ESR1: variants seen among roughly 807,000 people sequenced by gnomAD.
ESR1 encodes the protein estrogen receptor.
A neutral mutation model predicts 52.7 loss-of-function variants in ESR1; 12 were observed. The ratio of observed to expected loss-of-function variants is 0.23; its 90% CI spans 0.15 to 0.37. The LOEUF (loss-of-function observed/expected upper bound fraction) is 0.37, where lower values mean the gene tolerates loss of function less well. Among genes scored for constraint, ESR1 ranks in the 10% least tolerant of loss-of-function variants. The pLI is 1.00. For synonymous variants in ESR1, 305 were observed against 316.8 expected (o/e 0.96, Z 0.39); for missense variants, 584 against 779.7 (o/e 0.75, Z 2.99).
chr6:152,035,739 T>C (rs2045236823), intron 5 of ESR1, among the ~76,000 whole-genome samples: 1 of 152,008 alleles, frequency 6.6e-6, no homozygotes, highest in Admixed American at 6.6e-5. Flanking sequence ...AAATAGAAAA[T>C]ACAGTTCAGA....
intron 3 of ESR1, among the ~76,000 whole-genome samples, chr6:151,906,903 T>G (rs1797544597): frequency 6.6e-6 from 1 of 151,858 alleles, no homozygotes; most frequent in South Asian, 2.1e-4. Context: ...ATTTTGTTAC[T>G]TATTTCACCT....
chr6:151,919,429 C>T (rs1231723819), intron 3 of ESR1, among the ~76,000 whole-genome samples: 2 of 152,098 alleles, frequency 1.3e-5, no homozygotes, highest in African/African-American at 4.8e-5. Flanking sequence ...GACCTGGGAG[C>T]CAATTTTATT....
upstream of ESR1, chr6:151,805,824 G>A (rs999490320): frequency 8.5e-5 from 13 of 152,250 alleles, no homozygotes; most frequent in African/African-American, 2.9e-4. Context: ...CAGCAGGGTA[G>A]GCTTGTTTTG....
At chr6:151,993,394 T>C (rs1003339042) in intron 4 of ESR1, among the ~76,000 whole-genome samples, 4 of 152,170 alleles carry the variant, frequency 2.6e-5, no homozygotes, top group African/African-American at 7.2e-5. Flanking sequence ...TTCTCTTCTC[T>C]GGGTCGGACT....
chr6:152,060,764 T>G (rs2047481116), intron 5 of ESR1, among the ~76,000 whole-genome samples: 1 of 152,208 alleles, frequency 6.6e-6, no homozygotes. Context: ...CTACCTCTTC[T>G]AAGAAGTTGA....
chr6:152,052,994 G>A (rs1172468044), intron 5 of ESR1, among the ~76,000 whole-genome samples: 4 of 152,126 alleles, frequency 2.6e-5, no homozygotes, highest in African/African-American at 9.7e-5. Flanking sequence ...AGGTCCTGGA[G>A]GCTCCAGGCT....
intron 3 of ESR1, among the ~76,000 whole-genome samples, chr6:151,901,560 G>A (rs1232203582): frequency 6.6e-6 from 1 of 152,208 alleles, no homozygotes; most frequent in Non-Finnish European, 1.5e-5. Flanking sequence ...GGACCCCTGT[G>A]AGACAAGGTA....
intron 6 of ESR1, among the ~76,000 whole-genome samples, chr6:152,077,927 T>C (rs1585135039): frequency 6.6e-6 from 1 of 152,160 alleles, no homozygotes; most frequent in Non-Finnish European, 1.5e-5. Context: ...CTGTGGACTT[T>C]TGGTTAATTC....
intron 1 of ESR1, among the ~76,000 whole-genome samples, chr6:151,677,185 ACT>A (rs1314473217): frequency 5.3e-5 from 8 of 152,100 alleles, no homozygotes; most frequent in Middle Eastern, 3.4e-3. Context: ...TCAAACTAAG[ACT>A]CTGATTTTCT....
At chr6:152,112,519 G>A (rs1387294082) in intron 6 of ESR1, among the ~76,000 whole-genome samples, 5 of 152,130 alleles carry the variant, frequency 3.3e-5, no homozygotes, top group East Asian at 1.9e-4. Context: ...CAATGCCCCC[G>A]GGATCCCATC....
intron 4 of ESR1, among the ~76,000 whole-genome samples, chr6:151,981,211 T>TGCCTTGCTTCTTTACC (rs2039961890): frequency 2.0e-5 from 3 of 152,360 alleles, no homozygotes; most frequent in Non-Finnish European, 1.5e-5. Context: ...TATTTTATCT[T>TGCCTTGCTTCTTTACC]GCCTTGCTTC....
At chr6:151,910,309 A>G (rs1324532489) in intron 3 of ESR1, among the ~76,000 whole-genome samples, 2 of 152,182 alleles carry the variant, frequency 1.3e-5, no homozygotes, top group African/African-American at 4.8e-5. Flanking sequence ...TGAACCGAAC[A>G]GATCTAGATA....
chr6:151,826,700 A>G (rs528291102), intron 1 of ESR1, among the ~76,000 whole-genome samples: 1 of 152,246 alleles, frequency 6.6e-6, no homozygotes, highest in South Asian at 2.1e-4. Flanking sequence ...ACCTCCAGCT[A>G]ACTTCATGGG....
At chr6:151,782,022 CGTG>C (rs1786591671) in intron 2 of ESR1, among the ~76,000 whole-genome samples, 1 of 152,140 alleles carries the variant, frequency 6.6e-6, no homozygotes, top group African/African-American at 2.4e-5. Context: ...TTAACTGTAA[CGTG>C]GTGGAGAAAT....
intron 3 of ESR1, among the ~76,000 whole-genome samples, chr6:151,882,316 T>G (rs928973750): frequency 7.2e-5 from 11 of 152,158 alleles, no homozygotes; most frequent in African/African-American, 2.7e-4. Flanking sequence ...GATGCAATGT[T>G]GAATTTACGC....
intron 4 of ESR1, among the ~76,000 whole-genome samples, chr6:151,995,967 A>G (rs968149974): frequency 6.6e-6 from 1 of 152,178 alleles, no homozygotes; most frequent in Admixed American, 6.5e-5. Context: ...TGTCTCCACT[A>G]TGAAGTAGCT....
Position 152,040,971 on chromosome 6 carries a change from A to C in ESR1, c.1236-20020A>C, listed in dbSNP as rs889933765. Among the ~76,000 whole-genome samples, 7 of 152,242 alleles carry C rather than the reference A, an allele frequency of 4.6e-5. 1 individual carries two copies. The highest frequency in any genetic ancestry group is 3.9e-4 in the Admixed American group (6 of 15,282). The stretch of plus-strand genomic sequence containing the variant: ...ATTTGATGATGGAATGCTGCTGTGC[A>C]CAACCCACTTTATGGCTAGATGGGT... On this transcript the variant is annotated intron_variant, in intron 5 of 7. Coordinates refer to ENST00000206249, the MANE Select transcript of ESR1 (RefSeq NM_000125.4).
chr6:151,806,752 C>T (rs948659560), upstream of ESR1, among the ~76,000 whole-genome samples: 23 of 151,644 alleles, frequency 1.5e-4, no homozygotes, highest in African/African-American at 4.4e-4. Context: ...TGGACCAGAC[C>T]GACAATGTAA....
chr6:151,957,356 A>C (rs1290150098), intron 4 of ESR1, among the ~76,000 whole-genome samples: 1 of 152,202 alleles, frequency 6.6e-6, no homozygotes, highest in Non-Finnish European at 1.5e-5. Context: ...AAAAATCATG[A>C]GAGAGCCTGG....
Sources: allele counts gnomAD v4.1 joint callset (sites outside exome capture counted in the v4.1 genomes callset), GRCh38; gene constraint gnomAD v4.1.1; transcripts MANE v1.5; gene names NCBI Gene and HGNC (gene_info 2026-07-23, HGNC 2026-07-21).